The following ABHD14A variants were observed in gnomAD, a reference collection of about 807,000 sequenced individuals.
ABHD14A encodes protein ABHD14A.
A neutral mutation model predicts 27.0 loss-of-function variants in ABHD14A; 19 were observed. The observed-to-expected ratio is 0.70, with a 90% CI of 0.49 to 1.03. The LOEUF (loss-of-function observed/expected upper bound fraction) is 1.03. ABHD14A is among the 50% of genes least tolerant of loss of function. ABHD14A has a pLI of 0.00. For synonymous variants in ABHD14A, 148 were observed against 158.8 expected (o/e 0.93, Z 0.51); for missense variants, 311 against 344.6 (o/e 0.90, Z 0.77).
In ABHD14A at chr3:51,981,185, C is replaced by A; in HGVS notation, c.*167C>A. The stretch of plus-strand genomic sequence containing the variant: ...AGACACAATAAAAAAGCATATTTGT[C>A]CTGCCTGGGAAGTGACAGGTTCCGT... On this transcript the variant is annotated 3_prime_UTR_variant, in exon 5 of 5. Transcript: ENST00000273596. The A allele has an allele frequency of 1.4e-6, 1 of 732,942 alleles. No individual in the cohort carries two copies. Among genetic ancestry groups the A allele is most frequent in the South Asian group, 2.2e-5 (1 of 45,118 alleles). The allele number at this position is 732,942 out of a possible 1,614,324, so 45.4% of individuals were successfully genotyped here. A position where few individuals can be genotyped will look rare whatever the true frequency, so the allele number is the denominator to read the frequency against.
rs1443691626 is a variant in ABHD14A, at chr3:51,977,944, T to C, written c.143T>C (p.Leu48Pro). 1 of 1,614,156 alleles carries C rather than the reference T, an allele frequency of 6.2e-7. No homozygotes were observed. Among genetic ancestry groups the C allele is most frequent in the Admixed American group, 1.7e-5 (1 of 60,032 alleles). ...LGLSLLLMLLLYVGLPGPPEQ... is the reference protein window; with the variant it reads ...LGLSLLLMLLPYVGLPGPPEQ... ...CTGAGTCTGCTGCTCATGCTCCTAC[T>C]GTATGTGGGGCTGCCAGGCCCCCCT... Residue 48 changes from leucine (L) to proline (P), a missense_variant, in exon 2 of 5, where the codon CTG becomes CCG. Transcript: ENST00000273596.
At chr3:51,979,006 TTAAAAAATAC>T (rs988295630) in intron 3 of ABHD14A, 1 of 245,086 alleles carries the variant, frequency 4.1e-6, no homozygotes, top group Non-Finnish European at 8.7e-6. Flanking sequence ...TCATAGAGGA[TTAAAAAATAC>T]TAAAAAATAG....
At position 51,975,204 on chromosome 3, in the gene ABHD14A, G is replaced by A. The variant is rs1577713702; in HGVS notation, c.69G>A (p.Pro23=). Residue 23 remains proline (P), a splice_region_variant and synonymous_variant, in exon 1 of 5, where the codon CCG becomes CCA. Transcript: ENST00000273596. The part of the protein sequence containing the change: ...GGARPLIPLG[P]TVVQTSMSRS... ...CCCGCCCGCTCATCCCGTTGGGCCC[G>A]GTGAGTCTCCCGGGGGAGGGAGGCC... 1 of 1,262,726 alleles carries A rather than the reference G, an allele frequency of 7.9e-7. No individual in the cohort carries two copies. Among genetic ancestry groups the A allele is most frequent in the Non-Finnish European group, 1.0e-6 (1 of 1,003,550 alleles). The allele number at this position is 1,262,726 out of a possible 1,614,324, so 78.2% of individuals were successfully genotyped here.
At position 51,975,083 on chromosome 3, in the gene ABHD14A, C is replaced by G. The variant is rs1270478504; in HGVS notation, c.-53C>G. 6.3e-6 allele frequency: 8 copies of G among 1,272,088 alleles called. No individual in the cohort carries two copies. Among genetic ancestry groups the G allele is most frequent in the Non-Finnish European group, 7.9e-6 (8 of 1,008,462 alleles). The allele number at this position is 1,272,088 out of a possible 1,614,324, so 78.8% of individuals were successfully genotyped here. A position where few individuals can be genotyped will look rare whatever the true frequency, so the allele number is the denominator to read the frequency against. On this transcript the variant is annotated 5_prime_UTR_variant, in exon 1 of 5. Transcript: ENST00000273596. The stretch of plus-strand genomic sequence containing the variant: ...GAGTGCGCAGGCGCGCCGAGATGGC[C>G]GCGCTCCTGGCCGCCTAGAGCCGGA...
chr3:51,977,870 G>C lies in ABHD14A; in HGVS notation c.70-1G>C. ...CTTTTCCCTCTCCTCTCCCTCTCCA[G>C]ACTGTGGTACAGACCTCCATGAGCC... On this transcript the variant is annotated splice_acceptor_variant, in intron 1 of 4. Transcript: ENST00000273596. LOFTEE classifies it high-confidence loss of function. 1 of 1,609,024 alleles carries C rather than the reference G, an allele frequency of 6.2e-7. No individual in the cohort carries two copies. Among genetic ancestry groups the C allele is most frequent in the Non-Finnish European group, 8.5e-7 (1 of 1,175,910 alleles).
At position 51,979,923 on chromosome 3, in the gene ABHD14A, T is replaced by G. The variant is rs960206484; in HGVS notation, c.398-470T>G. On this transcript the variant is annotated intron_variant, in intron 3 of 4. Coordinates refer to ENST00000273596, the MANE Select transcript of ABHD14A (RefSeq NM_015407.5). Reference sequence around the variant, plus strand: ...AACACTGGGTATTATTTATTTTTTATTTTATTTTATTTTTTTTTTAGACAG... The same window carrying G: ...AACACTGGGTATTATTTATTTTTTAGTTTATTTTATTTTTTTTTTAGACAG... Among the ~76,000 whole-genome samples, 5 of 152,090 alleles carry G rather than the reference T, an allele frequency of 3.3e-5. No homozygotes were observed. In the South Asian group the frequency reaches 1.0e-3, roughly 32 times the overall value.
chr3:51,979,512 C>G (rs1338460666), intron 3 of ABHD14A, among the ~76,000 whole-genome samples: 1 of 145,074 alleles, frequency 6.9e-6, no homozygotes, highest in Non-Finnish European at 1.5e-5. Context: ...TGAGACAGAG[C>G]CTCGCTCTGT....
chr3:51,976,199 C>G (rs560510453), intron 1 of ABHD14A, among the ~76,000 whole-genome samples: 3 of 152,338 alleles, frequency 2.0e-5, no homozygotes, highest in Admixed American at 1.3e-4. Context: ...CGCTCTTCCT[C>G]CACTAGGTCC....
intron 1 of ABHD14A, 114 bp downstream of exon 1, chr3:51,975,318 G>A (rs767737243): frequency 3.4e-5 from 35 of 1,029,628 alleles, no homozygotes; most frequent in East Asian, 6.6e-5. Flanking sequence ...AGACGCTGGG[G>A]CCGCGAATGT....
In ABHD14A at chr3:51,978,309, A is replaced by G; in HGVS notation, c.332A>G (p.Glu111Gly). 6.4e-7 allele frequency: 1 copy of G among 1,551,756 alleles called. No individual in the cohort carries two copies. Among genetic ancestry groups the G allele is most frequent in the Non-Finnish European group, 8.7e-7 (1 of 1,147,020 alleles). The stretch of plus-strand genomic sequence containing the variant: ...AAGGCCTTTAACTCTCACACGTGGG[A>G]GCAGCTGGGCACACTGCAGCTACTG... The part of the protein sequence containing the change: ...HGKAFNSHTW[E>G]QLGTLQLLSQ... Residue 111 changes from glutamate (E) to glycine (G), a missense_variant, in exon 3 of 5, where the codon GAG becomes GGG. Glu to Gly is a moderately conservative substitution (Grantham distance 98). Coordinates refer to ENST00000273596, the MANE Select transcript of ABHD14A (RefSeq NM_015407.5).
intron 3 of ABHD14A, among the ~76,000 whole-genome samples, chr3:51,979,829 A>G (rs1239645754): frequency 6.6e-6 from 1 of 151,968 alleles, no homozygotes; most frequent in Admixed American, 6.6e-5. Flanking sequence ...CTCACCCTCC[A>G]AAAACACTAT....
intron 1 of ABHD14A, among the ~76,000 whole-genome samples, chr3:51,976,508 C>G (rs975755516): frequency 6.6e-5 from 10 of 151,944 alleles, no homozygotes; most frequent in Admixed American, 1.3e-4. Flanking sequence ...AACCCTGTCT[C>G]TACTAAAAAA....
chr3:51,977,635 CTG>C (rs1447031008), intron 1 of ABHD14A, among the ~76,000 whole-genome samples: 1 of 152,238 alleles, frequency 6.6e-6, no homozygotes, highest in East Asian at 1.9e-4. Context: ...ACTGAGCATG[CTG>C]TGTGCCAGAG....
In ABHD14A at chr3:51,977,893, G is replaced by A. The variant is rs773902084; in HGVS notation, c.92G>A (p.Ser31Asn). The change falls in exon 2 of 5, where the codon AGC (serine) becomes AAC (asparagine). Residue 31 changes from serine to asparagine, a missense_variant. Transcript: ENST00000273596. ...CAGACTGTGGTACAGACCTCCATGAGCCGGTCCCAGGTAGCCCTGCTGGGC... is the reference window on the plus strand; with the variant it reads ...CAGACTGTGGTACAGACCTCCATGAACCGGTCCCAGGTAGCCCTGCTGGGC... ...LGPTVVQTSM[S>N]RSQVALLGLS... 8 of 1,613,860 alleles carry A rather than the reference G, an allele frequency of 5.0e-6. No homozygotes were observed. Among genetic ancestry groups the A allele is most frequent in the South Asian group, 4.4e-5 (4 of 91,088 alleles).
In ABHD14A at chr3:51,977,891, GA is replaced by G; in HGVS notation, c.91del (p.Ser31AlafsTer5). On this transcript the variant is annotated frameshift_variant, in exon 2 of 5. Transcript: ENST00000273596. LOFTEE classifies it high-confidence loss of function. ...LGPTVVQTSM[S>X]RSQVALLGLS... Reference sequence around the variant, plus strand: ...TCCAGACTGTGGTACAGACCTCCATGAGCCGGTCCCAGGTAGCCCTGCTGGG... The same window carrying G: ...TCCAGACTGTGGTACAGACCTCCATGGCCGGTCCCAGGTAGCCCTGCTGGG... 1 of 1,613,848 alleles carries G rather than the reference GA, an allele frequency of 6.2e-7. No individual in the cohort carries two copies. Among genetic ancestry groups the G allele is most frequent in the South Asian group, 1.1e-5 (1 of 91,084 alleles).
chr3:51,979,131 T>C (rs1352106011), intron 3 of ABHD14A: 6 of 179,446 alleles, frequency 3.3e-5, no homozygotes, highest in Non-Finnish European at 1.2e-5. Context: ...GCAGACGATG[T>C]AGAGGATTGT....
chr3:51,975,924 G>T (rs900663650), intron 1 of ABHD14A, among the ~76,000 whole-genome samples: 1 of 152,256 alleles, frequency 6.6e-6, no homozygotes, highest in Non-Finnish European at 1.5e-5. Context: ...ATATTCCAAT[G>T]ACCTAACCCG....
chr3:51,981,038 C>G lies in ABHD14A; in HGVS notation c.*20C>G, dbSNP rs751681363. 1.3e-6 allele frequency: 2 copies of G among 1,599,066 alleles called. No homozygotes were observed. Among genetic ancestry groups the G allele is most frequent in the South Asian group, 2.2e-5 (2 of 90,632 alleles). On this transcript the variant is annotated 3_prime_UTR_variant, in exon 5 of 5. Coordinates refer to ENST00000273596, the MANE Select transcript of ABHD14A (RefSeq NM_015407.5). ...CCTTGAACTAACCCACTCCCAGCTC[C>G]CAGCCTGGCATGAGCTTGGACAGTC...
rs144897211 is a variant in ABHD14A at position 51,980,561 on chromosome 3, A to G, written c.566A>G (p.His189Arg). 341 of 1,614,086 alleles carry G rather than the reference A, an allele frequency of 2.1e-4. No homozygotes were observed. Among genetic ancestry groups the G allele is most frequent in the African/African-American group, 4.7e-4 (35 of 75,048 alleles). Residue 189 changes from histidine (H) to arginine (R), a missense_variant, in exon 4 of 5, where the codon CAT becomes CGT. Coordinates refer to ENST00000273596, the MANE Select transcript of ABHD14A (RefSeq NM_015407.5). ...CTGATGCGAGGCCACCACCAGCTACATGGATTTGTGCCCATCGCACCCACC... is the reference window on the plus strand; with the variant it reads ...CTGATGCGAGGCCACCACCAGCTACGTGGATTTGTGCCCATCGCACCCACC... Reference protein sequence around the residue: ...PFLMRGHHQLHGFVPIAPTST... With the variant: ...PFLMRGHHQLRGFVPIAPTST...
Sources: allele counts gnomAD v4.1 joint callset (sites outside exome capture counted in the v4.1 genomes callset), GRCh38; gene constraint gnomAD v4.1.1; transcripts MANE v1.5; gene names NCBI Gene and HGNC (gene_info 2026-07-23, HGNC 2026-07-21).